The following TLK1 variants were observed in gnomAD, a reference collection of about 807,000 sequenced individuals.
TLK1 encodes the protein serine/threonine-protein kinase tousled-like 1.
Under a neutral mutation model 105.3 loss-of-function variants are expected in TLK1, and 24 were observed. The ratio of observed to expected loss-of-function variants is 0.23; its 90% CI spans 0.17 to 0.32. The LOEUF (loss-of-function observed/expected upper bound fraction) is 0.32, where lower values mean the gene tolerates loss of function less well. TLK1 is among the 10% of genes least tolerant of loss of function. The probability of loss-of-function intolerance (pLI) is 1.00; values close to 1 mark genes in which losing one functional copy is unlikely to be tolerated. For synonymous variants in TLK1, 321 were observed against 310.4 expected (o/e 1.03, Z -0.36); for missense variants, 558 against 910.5 (o/e 0.61, Z 4.98).
At chr2:171,051,213 AAAG>A (rs1471048836) in intron 8 of TLK1, among the ~76,000 whole-genome samples, 1 of 152,166 alleles carries the variant, frequency 6.6e-6, no homozygotes, top group Admixed American at 6.5e-5. Flanking sequence ...AAATAGCCAA[AAAG>A]AAGAAGAGGA....
chr2:171,213,929 G>A (rs1246468541), intron 1 of TLK1, among the ~76,000 whole-genome samples: 4 of 150,916 alleles, frequency 2.7e-5, no homozygotes, highest in Non-Finnish European at 4.4e-5. Context: ...GTCTTGTTAT[G>A]TTGACCAGGC....
At chr2:171,095,271 T>C (rs1395187770) in intron 2 of TLK1, among the ~76,000 whole-genome samples, 1 of 148,946 alleles carries the variant, frequency 6.7e-6, no homozygotes, top group African/African-American at 2.5e-5. Flanking sequence ...AAAATATATA[T>C]CACAGCAGAA....
rs1199208288 is a variant in TLK1 at position 171,006,646 on chromosome 2, A to G, written c.1599-3T>C. 2 of 1,612,062 alleles carry G rather than the reference A, an allele frequency of 1.2e-6. No homozygotes were observed. The highest frequency in any genetic ancestry group is 2.2e-5 in the South Asian group (2 of 91,054). On this transcript the variant is annotated splice_region_variant and splice_polypyrimidine_tract_variant and intron_variant, in intron 16 of 20. Coordinates refer to ENST00000431350, the MANE Select transcript of TLK1 (RefSeq NM_012290.5). ...AGTATTCTAACACTGTACAAAACCT[A>G]CAACAGAGAAGAGAAAAAAATTAGA...
intron 1 of TLK1, among the ~76,000 whole-genome samples, chr2:171,135,258 A>G (rs1402089667): frequency 6.6e-6 from 1 of 151,940 alleles, no homozygotes; most frequent in Non-Finnish European, 1.5e-5. Context: ...GAGGTGACCG[A>G]TATGTTAATT....
intron 6 of TLK1, among the ~76,000 whole-genome samples, chr2:171,056,213 A>C (rs566905874): frequency 5.9e-5 from 9 of 152,098 alleles, no homozygotes; most frequent in Admixed American, 5.9e-4. Context: ...CTCAACAGGC[A>C]TTCTTTTAAC....
chr2:171,171,741 T>C (rs1402516538), intron 1 of TLK1, among the ~76,000 whole-genome samples: 1 of 151,664 alleles, frequency 6.6e-6, no homozygotes, highest in Non-Finnish European at 1.5e-5. Context: ...AGCAAAACAA[T>C]TAAGGCAAAT....
Position 171,152,546 on chromosome 2 carries a change from A to T in TLK1, c.139+7744T>A, listed in dbSNP as rs183627450. On this transcript the variant is annotated intron_variant, in intron 1 of 20. Transcript: ENST00000431350. ...GTTGTTGTTGTTGTTGTTGTTAGCA[A>T]TAAAAGAATTAAAACTAAGTATTTT... Among the ~76,000 whole-genome samples, 120 of 152,282 alleles carry T rather than the reference A, an allele frequency of 7.9e-4. No homozygotes were observed. In the Middle Eastern group the frequency reaches 0.017, roughly 22 times the overall value.
chr2:171,058,244 C>CA (rs758977746), intron 4 of TLK1, 47 bp from the exon 5 acceptor site: 5 of 1,553,230 alleles, frequency 3.2e-6, no homozygotes, highest in Non-Finnish European at 4.4e-6. Context: ...TGATGGGCAT[C>CA]AAAAAAATAT....
intron 8 of TLK1, among the ~76,000 whole-genome samples, chr2:171,053,261 A>G (rs1687327103): frequency 6.6e-6 from 1 of 152,186 alleles, no homozygotes. Flanking sequence ...CAGTTTCTCA[A>G]TTCCCAATTT....
chr2:171,054,836 A>C, intron 7 of TLK1: 1 of 276,140 alleles, frequency 3.6e-6, no homozygotes, highest in Middle Eastern at 1.1e-3. Context: ...TTGGAAATTA[A>C]GTTCAGAAAG....
chr2:171,177,436 TTGGGCTTCTTAA>T (rs1172812875), intron 1 of TLK1, among the ~76,000 whole-genome samples: 1 of 151,678 alleles, frequency 6.6e-6, no homozygotes, highest in Non-Finnish European at 1.5e-5. Context: ...AGCCACCTCA[TTGGGCTTCTTAA>T]AGCTGTTCCT....
At chr2:171,207,058 A>G (rs1693519994) in intron 1 of TLK1, among the ~76,000 whole-genome samples, 1 of 152,250 alleles carries the variant, frequency 6.6e-6, no homozygotes, top group Non-Finnish European at 1.5e-5. Context: ...GTATTTACCC[A>G]AATGAATTGA....
At position 171,083,003 on chromosome 2, in the gene TLK1, A is replaced by G. The variant is rs1688817209; in HGVS notation, c.259-151T>C. 5 of 587,348 alleles carry G rather than the reference A, an allele frequency of 8.5e-6. No individual in the cohort carries two copies. In the East Asian group the frequency reaches 1.5e-4, roughly 18 times the overall value. The allele number at this position is 587,348 out of a possible 1,614,324, so 36.4% of individuals were successfully genotyped here. A position where few individuals can be genotyped will look rare whatever the true frequency, so the allele number is the denominator to read the frequency against. On this transcript the variant is annotated intron_variant, in intron 2 of 20. Coordinates refer to ENST00000431350, the MANE Select transcript of TLK1 (RefSeq NM_012290.5). ...AAAACAAGGAAGCCAAATGAGGTAA[A>G]AATAAGAAATACTAAATTCTTAACA... is the stretch of plus-strand genomic sequence containing the variant.
intron 1 of TLK1, among the ~76,000 whole-genome samples, chr2:171,130,880 T>C (rs1462460114): frequency 6.6e-6 from 1 of 152,094 alleles, no homozygotes; most frequent in East Asian, 1.9e-4. Flanking sequence ...GAATGCCAAC[T>C]TTGGGATCCA....
chr2:171,121,018 C>A (rs1456142632), intron 1 of TLK1, among the ~76,000 whole-genome samples: 2 of 152,004 alleles, frequency 1.3e-5, no homozygotes, highest in East Asian at 3.9e-4. Flanking sequence ...CGAAGATATG[C>A]TAAGTAAAAT....
chr2:171,131,546 T>C lies in TLK1; in HGVS notation c.140-13689A>G, dbSNP rs577939665. Among the ~76,000 whole-genome samples the C allele has an allele frequency of 5.3e-5, 8 of 152,356 alleles. No individual in the cohort carries two copies. The East Asian group carries it at 9.6e-4, about 18-fold the overall frequency. On this transcript the variant is annotated intron_variant, in intron 1 of 20. Transcript: ENST00000431350. ...ACAGTCACTTAAAAATACTGACTTA[T>C]ACCAAGACTTCTTTCAATTATTATA...
chr2:171,153,178 A>G (rs947820489), intron 1 of TLK1, among the ~76,000 whole-genome samples: 3 of 152,194 alleles, frequency 2.0e-5, no homozygotes, highest in Admixed American at 6.5e-5. Context: ...AAATACACCA[A>G]CTTGGTTCAA....
chr2:171,126,839 A>G (rs1690885981), intron 1 of TLK1, among the ~76,000 whole-genome samples: 2 of 151,840 alleles, frequency 1.3e-5, no homozygotes, highest in African/African-American at 4.8e-5. Flanking sequence ...TTTACATATT[A>G]TACTAGATAA....
At chr2:171,031,749 ATAGTT>A (rs1686057246) in intron 11 of TLK1, among the ~76,000 whole-genome samples, 1 of 152,224 alleles carries the variant, frequency 6.6e-6, no homozygotes, top group African/African-American at 2.4e-5. Context: ...GTGTTCTAAA[ATAGTT>A]TAACAGAAAT....
Sources: allele counts gnomAD v4.1 joint callset (sites outside exome capture counted in the v4.1 genomes callset), GRCh38; gene constraint gnomAD v4.1.1; transcripts MANE v1.5; gene names NCBI Gene and HGNC (gene_info 2026-07-23, HGNC 2026-07-21).